TMEM80: variants seen among roughly 807,000 people sequenced by gnomAD.
TMEM80 encodes transmembrane protein 80.
A neutral mutation model predicts 13.6 loss-of-function variants in TMEM80; 16 were observed. The ratio of observed to expected loss-of-function variants is 1.17; its 90% confidence interval spans 0.79 to 1.78. The LOEUF is 1.78. Among genes scored for constraint, TMEM80 ranks in the 40% most tolerant of loss-of-function variants. TMEM80 has a pLI of 0.00. For missense variants in TMEM80, 167 were observed against 184.6 expected (o/e 0.90, Z 0.55); for synonymous variants, 92 against 89.5 (o/e 1.03, Z -0.16).
At position 703,644 on chromosome 11, in the gene TMEM80, G is replaced by C. The variant is rs986729359; in HGVS notation, c.*494G>C. 2.4e-6 allele frequency: 3 copies of C among 1,232,824 alleles called. No homozygotes were observed. Among genetic ancestry groups the C allele is most frequent in the African/African-American group, 1.5e-5 (1 of 64,570 alleles). 76.4% of individuals were successfully genotyped at this position (1,232,824 alleles called of 1,614,324 possible). The stretch of plus-strand genomic sequence containing the variant: ...CCAAGTCGGGCTGGAGACGCAGGAT[G>C]GGGTAGGCCTTGTGCTCTGAGCAAC... On this transcript the variant is annotated 3_prime_UTR_variant, in exon 5 of 5. Coordinates refer to ENST00000397510, the MANE Select transcript of TMEM80 (RefSeq NM_001042463.3).
At chr11:702,130 G>A (rs1861524663) in intron 4 of TMEM80, among the ~76,000 whole-genome samples, 1 of 152,208 alleles carries the variant, frequency 6.6e-6, no homozygotes, top group Non-Finnish European at 1.5e-5. Context: ...CTGCGGGGAA[G>A]GGTGGCCCCC....
intron 4 of TMEM80, among the ~76,000 whole-genome samples, chr11:702,342 G>C (rs1192268758): frequency 6.6e-6 from 1 of 152,240 alleles, no homozygotes; most frequent in Non-Finnish European, 1.5e-5. Flanking sequence ...GTTCTTGGCT[G>C]ATCTTCTGGG....
intron 4 of TMEM80, 126 bp downstream of exon 4, chr11:700,833 A>C: frequency 4.4e-6 from 4 of 919,030 alleles, no homozygotes; most frequent in Non-Finnish European, 7.2e-6. Flanking sequence ...CTGCTTACCC[A>C]GTTGCTTTGC....
chr11:695,693 G>C (rs959127352), upstream of TMEM80: 6 of 1,243,076 alleles, frequency 4.8e-6, no homozygotes, highest in African/African-American at 7.8e-5. Context: ...CTCGGCCGTG[G>C]CTCGGACGTC....
At chr11:700,332 G>A (rs775310397) in intron 3 of TMEM80, 97 bp downstream of exon 3, 5 of 1,150,390 alleles carry the variant, frequency 4.3e-6, no homozygotes, top group Non-Finnish European at 6.4e-6. Context: ...TTTGAGACCA[G>A]CCAGGCCAAC....
downstream of TMEM80, chr11:704,786 G>A (rs188297676): frequency 7.2e-5 from 42 of 584,434 alleles, no homozygotes; most frequent in East Asian, 1.5e-3. Flanking sequence ...GGCAGGCTCC[G>A]CACTCAAAAT....
chr11:703,622 A>T lies in TMEM80; in HGVS notation c.*472A>T. The T allele has an allele frequency of 6.5e-6, 8 of 1,232,782 alleles. No homozygotes were observed. Among genetic ancestry groups the T allele is most frequent in the Non-Finnish European group, 8.1e-6 (8 of 988,608 alleles). 76.4% of individuals were successfully genotyped at this position (1,232,782 alleles called of 1,614,324 possible). ...TGGCCAGGCCCCACCTGTGTTTCCA[A>T]GTCGGGCTGGAGACGCAGGATGGGG... On this transcript the variant is annotated 3_prime_UTR_variant, in exon 5 of 5. Transcript: ENST00000397510.
chr11:698,737 ATGTT>A, intron 1 of TMEM80, 128 bp from the exon 2 acceptor site: 1 of 1,059,210 alleles, frequency 9.4e-7, no homozygotes, highest in South Asian at 1.3e-5. Context: ...CCCACGGTAT[ATGTT>A]TGCTGCTTTC....
chr11:703,665 G>A lies in TMEM80; in HGVS notation c.*515G>A. ...GGATGGGGTAGGCCTTGTGCTCTGA[G>A]CAACCCCAGCTCTGCCTCACAGGCA... On this transcript the variant is annotated 3_prime_UTR_variant, in exon 5 of 5. Coordinates refer to ENST00000397510, the MANE Select transcript of TMEM80 (RefSeq NM_001042463.3). The A allele has an allele frequency of 2.4e-6, 3 of 1,232,486 alleles. No individual in the cohort carries two copies. Among genetic ancestry groups the A allele is most frequent in the Non-Finnish European group, 3.0e-6 (3 of 988,502 alleles). 76.3% of individuals were successfully genotyped at this position (1,232,486 alleles called of 1,614,324 possible). A position where few individuals can be genotyped will look rare whatever the true frequency, so the allele number is the denominator to read the frequency against.
intron 1 of TMEM80, 99 bp from the exon 2 acceptor site, chr11:698,770 G>A: frequency 7.1e-7 from 1 of 1,413,876 alleles, no homozygotes; most frequent in Non-Finnish European, 1.0e-6. Flanking sequence ...CGAGATCAAA[G>A]GAAAATAAAG....
intron 4 of TMEM80, among the ~76,000 whole-genome samples, chr11:701,281 G>A (rs1219658524): frequency 2.0e-5 from 3 of 151,978 alleles, no homozygotes; most frequent in Non-Finnish European, 4.4e-5. Context: ...CTGGGCTTGA[G>A]CGATCCTCCT....
intron 2 of TMEM80, 39 bp from the exon 3 acceptor site, chr11:700,103 C>G (rs904634647): frequency 2.5e-6 from 4 of 1,588,910 alleles, no homozygotes; most frequent in African/African-American, 2.7e-5. Context: ...AGGCTGCTCC[C>G]AAGCCTGTTG....
At position 703,182 on chromosome 11, in the gene TMEM80, CCCT is replaced by C. The variant is rs1450548125; in HGVS notation, c.*39_*41del. 3 of 1,576,226 alleles carry C rather than the reference CCCT, an allele frequency of 1.9e-6. No individual in the cohort carries two copies. The highest frequency in any genetic ancestry group is 4.6e-5 in the East Asian group (2 of 43,440). On this transcript the variant is annotated 3_prime_UTR_variant, in exon 5 of 5. Coordinates refer to ENST00000397510, the MANE Select transcript of TMEM80 (RefSeq NM_001042463.3). Reference sequence around the variant, plus strand: ...ACACCCGGGATACCCCACACTGGGGCCCTCCTCCTGGGCCTGACCAGTCCCCCA... The same window carrying C: ...ACACCCGGGATACCCCACACTGGGGCCCTCCTGGGCCTGACCAGTCCCCCA...
At chr11:701,275 GCTTGAGCGATCCTCCTGC>G (rs1861451856) in intron 4 of TMEM80, 1 of 154,274 alleles carries the variant, frequency 6.5e-6, no homozygotes, top group African/African-American at 2.4e-5. Flanking sequence ...GACCTCCTGG[GCTTGAGCGATCCTCCTGC>G]CTCAGCCCTC....
At chr11:695,973 A>G (rs752431886) in intron 1 of TMEM80, 127 bp downstream of exon 1, 180 of 767,232 alleles carry the variant, frequency 2.3e-4, no homozygotes, top group Non-Finnish European at 2.9e-4. Context: ...CGTGAGCGAG[A>G]CAGCTCCGTC....
At chr11:704,167 A>C, downstream of TMEM80, 1 of 1,088,030 alleles carries the variant, frequency 9.2e-7, no homozygotes, top group Non-Finnish European at 1.1e-6. Context: ...CCCCATCTCC[A>C]GTTCTCCTGC....
Position 704,061 on chromosome 11 carries a change from C to T in TMEM80, c.*911C>T, listed in dbSNP as rs751851927. On this transcript the variant is annotated 3_prime_UTR_variant, in exon 5 of 5. Coordinates refer to ENST00000397510, the MANE Select transcript of TMEM80 (RefSeq NM_001042463.3). ...GTGTTTTCTATGTTTGGAATAATTA[C>T]ACCCAAATATCTAGATATTTTCTCT... is the stretch of plus-strand genomic sequence containing the variant. 2.6e-6 allele frequency: 3 copies of T among 1,145,340 alleles called. No homozygotes were observed. Among genetic ancestry groups the T allele is most frequent in the African/African-American group, 1.6e-5 (1 of 62,684 alleles). 70.9% of individuals were successfully genotyped at this position (1,145,340 alleles called of 1,614,324 possible). A position where few individuals can be genotyped will look rare whatever the true frequency, so the allele number is the denominator to read the frequency against.
chr11:698,844 T>C lies in TMEM80; in HGVS notation c.20-25T>C, dbSNP rs373247778. ...AAGCATCCTGGTGGCTGTCAGGCCTTGCTCACGGCCCCTTTCTCTTTCAGG... is the reference window on the plus strand; with the variant it reads ...AAGCATCCTGGTGGCTGTCAGGCCTCGCTCACGGCCCCTTTCTCTTTCAGG... On this transcript the variant is annotated intron_variant, in intron 1 of 4. Coordinates refer to ENST00000397510, the MANE Select transcript of TMEM80 (RefSeq NM_001042463.3). 9 of 1,614,052 alleles carry C rather than the reference T, an allele frequency of 5.6e-6. No homozygotes were observed. The African/African-American group carries it at 1.1e-4, about 19-fold the overall frequency.
In TMEM80 at chr11:703,312, G is replaced by T; in HGVS notation, c.*162G>T. The T allele has an allele frequency of 3.5e-6, 5 of 1,419,650 alleles. No individual in the cohort carries two copies. The highest frequency in any genetic ancestry group is 4.6e-6 in the Non-Finnish European group (5 of 1,085,072). The allele number at this position is 1,419,650 out of a possible 1,614,324, so 87.9% of individuals were successfully genotyped here. A position where few individuals can be genotyped will look rare whatever the true frequency, so the allele number is the denominator to read the frequency against. On this transcript the variant is annotated 3_prime_UTR_variant, in exon 5 of 5. Coordinates refer to ENST00000397510, the MANE Select transcript of TMEM80 (RefSeq NM_001042463.3). ...TCTGTTCTGGCAGGAGTGGGAGCAGGAGCCAGGGCAGAACAAACTGCTGGA... is the reference window on the plus strand; with the variant it reads ...TCTGTTCTGGCAGGAGTGGGAGCAGTAGCCAGGGCAGAACAAACTGCTGGA...
Sources: gnomAD v4.1 joint callset for allele counts (sites outside exome capture counted in the v4.1 genomes callset) on GRCh38, gnomAD v4.1.1 for gene constraint, MANE v1.5 for transcripts, NCBI Gene and HGNC (gene_info 2026-07-23, HGNC 2026-07-21) for gene names.